IDH3A: variants seen among roughly 807,000 people sequenced by gnomAD.
IDH3A encodes the protein isocitrate dehydrogenase [NAD] subunit alpha, mitochondrial.
Under a neutral mutation model 43.3 loss-of-function variants are expected in IDH3A, and 23 were observed. That is an observed-to-expected ratio of 0.53 (90% CI 0.38 to 0.75). IDH3A has a LOEUF of 0.75. IDH3A is among the 30% of genes least tolerant of loss of function. IDH3A has a pLI of 0.00. For synonymous variants in IDH3A, 154 were observed against 163.5 expected (o/e 0.94, Z 0.44); for missense variants, 329 against 474.4 (o/e 0.69, Z 2.85).
intron 1 of IDH3A, among the ~76,000 whole-genome samples, chr15:78,152,200 A>G (rs1271962297): frequency 2.0e-5 from 3 of 151,156 alleles, no homozygotes; most frequent in Non-Finnish European, 4.4e-5. Flanking sequence ...CTGGGATTAC[A>G]GGCACCCACC....
intron 3 of IDH3A, among the ~76,000 whole-genome samples, chr15:78,158,028 G>C (rs2141945204): frequency 6.6e-6 from 1 of 152,184 alleles, no homozygotes; most frequent in East Asian, 1.9e-4. Context: ...AGTAATCAAA[G>C]TAGTACTGCA....
In IDH3A at chr15:78,166,198, A is replaced by T; in HGVS notation, c.913A>T (p.Thr305Ser). ...TGCAGGCAAGGACATGGCGAATCCCACAGCCCTCCTGCTCAGTGCCGTGAT... is the reference window on the plus strand; with the variant it reads ...TGCAGGCAAGGACATGGCGAATCCCTCAGCCCTCCTGCTCAGTGCCGTGAT... ...DIAGKDMANP[T>S]ALLLSAVMML... Residue 305 changes from threonine to serine, a missense_variant, in exon 10 of 11, where the codon ACA (threonine) becomes TCA (serine). Coordinates refer to ENST00000299518, the MANE Select transcript of IDH3A (RefSeq NM_005530.3). The T allele has an allele frequency of 6.2e-7, 1 of 1,614,200 alleles. No individual in the cohort carries two copies. Among genetic ancestry groups the T allele is most frequent in the Non-Finnish European group, 8.5e-7 (1 of 1,180,018 alleles).
At chr15:78,162,140 C>G in intron 5 of IDH3A, 94 bp from the exon 6 acceptor site, 1 of 1,357,998 alleles carries the variant, frequency 7.4e-7, no homozygotes, top group Admixed American at 1.7e-5. Flanking sequence ...CTGTGCAGGC[C>G]TGCCACAAAT....
intron 1 of IDH3A, among the ~76,000 whole-genome samples, chr15:78,150,116 C>A (rs929456817): frequency 6.6e-6 from 1 of 152,242 alleles, no homozygotes; most frequent in Non-Finnish European, 1.5e-5. Context: ...CTTCCTTTTA[C>A]CTTTCATTGG....
At position 78,157,739 on chromosome 15, in the gene IDH3A, TAGTC is replaced by T. The variant is rs1218057135; in HGVS notation, c.174+111_174+114del. 7.1e-6 allele frequency: 5 copies of T among 699,810 alleles called. No individual in the cohort carries two copies. The East Asian group carries it at 1.4e-4, about 19-fold the overall frequency. 43.4% of individuals were successfully genotyped at this position (699,810 alleles called of 1,614,324 possible). The stretch of plus-strand genomic sequence containing the variant: ...GCATTGTACCCATTTCTATGAAATT[TAGTC>T]AGGTCTGTTGTTAATCTCCACCGAT... On this transcript the variant is annotated intron_variant, in intron 3 of 10. Transcript: ENST00000299518.
rs1435402196 is a variant in IDH3A, at chr15:78,161,055, T to C, written c.290-526T>C. Among the ~76,000 whole-genome samples, 1 of 152,090 alleles carries C rather than the reference T, an allele frequency of 6.6e-6. No homozygotes were observed. Among genetic ancestry groups the C allele is most frequent in the Non-Finnish European group, 1.5e-5 (1 of 68,016 alleles). The stretch of plus-strand genomic sequence containing the variant: ...CACCACAACGCCCAGCTAATTTTTG[T>C]ATTTTTAGTAGAGACAGGGTTTCCC... On this transcript the variant is annotated intron_variant, in intron 4 of 10. Coordinates refer to ENST00000299518, the MANE Select transcript of IDH3A (RefSeq NM_005530.3). This position sits in a 1 kb window ranked among gnomAD's most constrained non-coding sequence, Gnocchi z 4.8.
rs2074810466 is a variant in IDH3A at position 78,170,771 on chromosome 15, T to G, written c.*1766T>G. ...TCACTCGCATGCCCGCTGTGCACAG[T>G]CCTGTGAGTTAAATGCCCACTACTC... On this transcript the variant is annotated 3_prime_UTR_variant, in exon 11 of 11. Coordinates refer to ENST00000299518, the MANE Select transcript of IDH3A (RefSeq NM_005530.3). The G allele has an allele frequency of 6.5e-6, 1 of 152,688 alleles. No homozygotes were observed. Among genetic ancestry groups the G allele is most frequent in the Admixed American group, 6.5e-5 (1 of 15,274 alleles). The allele number at this position is 152,688 out of a possible 1,614,324, so 9.5% of individuals were successfully genotyped here.
At chr15:78,149,538 G>C (rs955365712) in intron 1 of IDH3A, 108 bp downstream of exon 1, 27 of 950,556 alleles carry the variant, frequency 2.8e-5, no homozygotes, top group Non-Finnish European at 3.4e-5. Context: ...ACAGGGAGGC[G>C]GTGGCTGCCC....
At chr15:78,155,418 C>G in intron 2 of IDH3A, 143 bp downstream of exon 2, 1 of 553,602 alleles carries the variant, frequency 1.8e-6, no homozygotes, top group Non-Finnish European at 3.2e-6. Context: ...GTTGAAATTA[C>G]TGGCTGACAT....
intron 1 of IDH3A, chr15:78,150,757 G>A (rs567156547): frequency 6.6e-6 from 1 of 152,340 alleles, no homozygotes; most frequent in South Asian, 2.1e-4. Flanking sequence ...CCAACAGACA[G>A]TGGTTTTCAT....
chr15:78,158,463 ATTTTTTTT>A (rs67298643), intron 3 of IDH3A, among the ~76,000 whole-genome samples: 2 of 67,376 alleles, frequency 3.0e-5, no homozygotes, highest in Admixed American at 1.9e-4. Context: ...ATATATATAT[ATTTTTTTT>A]TTTTTTTTTT....
At chr15:78,168,501 TAATAAA>T (rs1161941462) in intron 10 of IDH3A, 1 of 152,102 alleles carries the variant, frequency 6.6e-6, no homozygotes, top group African/African-American at 2.4e-5. Flanking sequence ...AAAAAAATAA[TAATAAA>T]AACAAAAATA....
chr15:78,163,563 A>G lies in IDH3A; in HGVS notation c.668A>G (p.Lys223Arg). 1 of 1,613,188 alleles carries G rather than the reference A, an allele frequency of 6.2e-7. No homozygotes were observed. ...TGCAGGGAAGTTGCAGAAAGCTGTA[A>G]AGATATTAAATTTAATGAGATGTAC... ...QKCREVAESCKDIKFNEMYLD... is the reference protein window; with the variant it reads ...QKCREVAESCRDIKFNEMYLD... The change falls in exon 7 of 11, where the codon AAA becomes AGA. Residue 223 changes from lysine to arginine, a missense_variant. Transcript: ENST00000299518.
chr15:78,167,779 C>T (rs2074763798), intron 10 of IDH3A: 2 of 152,162 alleles, frequency 1.3e-5, no homozygotes, highest in African/African-American at 4.8e-5. Context: ...TTGAGTCTGG[C>T]TTATTTCACT....
chr15:78,164,985 C>G lies in IDH3A; in HGVS notation c.780-7C>G, dbSNP rs1256264767. ...AAACATTCTTTGAAATGCTTTTCTT[C>G]CGCTAGTGACTTGTGTGCAGGATTG... On this transcript the variant is annotated splice_region_variant and splice_polypyrimidine_tract_variant and intron_variant, in intron 8 of 10. Coordinates refer to ENST00000299518, the MANE Select transcript of IDH3A (RefSeq NM_005530.3). 2 of 1,608,562 alleles carry G rather than the reference C, an allele frequency of 1.2e-6. No individual in the cohort carries two copies. Among genetic ancestry groups the G allele is most frequent in the Non-Finnish European group, 8.5e-7 (1 of 1,176,266 alleles).
Position 78,161,112 on chromosome 15 carries a change from C to T in IDH3A, c.290-469C>T, listed in dbSNP as rs1204089721. On this transcript the variant is annotated intron_variant, in intron 4 of 10. Coordinates refer to ENST00000299518, the MANE Select transcript of IDH3A (RefSeq NM_005530.3). The surrounding 1 kb of genome is among the most constrained non-coding windows in gnomAD (Gnocchi z 4.8). ...GGCCAGGCTGGTCTTGGACTCCTGACCTCAAGCGATCCGCCTGCCTTGGCC... is the reference window on the plus strand; with the variant it reads ...GGCCAGGCTGGTCTTGGACTCCTGATCTCAAGCGATCCGCCTGCCTTGGCC... 6.6e-6 allele frequency among the ~76,000 whole-genome samples: 1 copy of T among 150,728 alleles called. No homozygotes were observed. Among genetic ancestry groups the T allele is most frequent in the Admixed American group, 6.6e-5 (1 of 15,150 alleles).
chr15:78,152,030 G>A (rs1457461739), intron 1 of IDH3A, among the ~76,000 whole-genome samples: 1 of 150,862 alleles, frequency 6.6e-6, no homozygotes, highest in Non-Finnish European at 1.5e-5. Flanking sequence ...GGCTGGGAGA[G>A]GAGAAAGGAC....
chr15:78,167,252 C>T (rs990756863), intron 10 of IDH3A, among the ~76,000 whole-genome samples: 2 of 152,096 alleles, frequency 1.3e-5, no homozygotes, highest in Non-Finnish European at 2.9e-5. Flanking sequence ...GAAGTAGATG[C>T]TATAATTCCA....
chr15:78,156,475 C>T (rs993810427), intron 2 of IDH3A, among the ~76,000 whole-genome samples: 8 of 151,886 alleles, frequency 5.3e-5, no homozygotes, highest in South Asian at 2.1e-4. Flanking sequence ...GTAGTGAGTC[C>T]TCATCTCTAA....
Sources: allele counts gnomAD v4.1 joint callset (sites outside exome capture counted in the v4.1 genomes callset), GRCh38; gene constraint gnomAD v4.1.1; non-coding constraint Gnocchi (gnomAD v3.1); transcripts MANE v1.5; gene names NCBI Gene and HGNC (gene_info 2026-07-23, HGNC 2026-07-21).